SLFNL1: variants seen among roughly 807,000 people sequenced by gnomAD.
SLFNL1 encodes schlafen like 1, also known as schlafen-like protein 1.
A neutral mutation model predicts 32.5 loss-of-function variants in SLFNL1; 26 were observed. The observed-to-expected ratio is 0.80, with a 90% confidence interval of 0.59 to 1.11. SLFNL1 has a LOEUF of 1.11. Ranked by LOEUF, SLFNL1 falls within the 50% of genes least tolerant of loss-of-function variation. The pLI, the probability that SLFNL1 is intolerant of heterozygous loss-of-function variation, is 0.00. For missense variants in SLFNL1, 553 were observed against 546.5 expected (o/e 1.01, Z -0.12); for synonymous variants, 255 against 242.2 (o/e 1.05, Z -0.49).
In SLFNL1 at chr1:41,017,088, G is replaced by A. The variant is rs1571006286; in HGVS notation, c.1101+146C>T. ...CTACCCGCGGAGTATGGGATGTGGTGTGATTGTATTCCAACCCCTTGGGTT... is the reference window on the plus strand; with the variant it reads ...CTACCCGCGGAGTATGGGATGTGGTATGATTGTATTCCAACCCCTTGGGTT... On this transcript the variant is annotated intron_variant, in intron 5 of 5. Transcript: ENST00000302946. The surrounding 1 kb of genome is among the most constrained non-coding windows in gnomAD (Gnocchi z 4.9). 2 of 968,994 alleles carry A rather than the reference G, an allele frequency of 2.1e-6. No homozygotes were observed. Among genetic ancestry groups the A allele is most frequent in the East Asian group, 2.7e-5 (1 of 36,910 alleles). 60.0% of individuals were successfully genotyped at this position (968,994 alleles called of 1,614,324 possible). A position where few individuals can be genotyped will look rare whatever the true frequency, so the allele number is the denominator to read the frequency against.
Position 41,018,099 on chromosome 1 carries a change from CAG to C in SLFNL1, c.491_492del (p.Ser164TrpfsTer14). The C allele has an allele frequency of 1.3e-6, 2 of 1,547,894 alleles. No individual in the cohort carries two copies. Among genetic ancestry groups the C allele is most frequent in the Non-Finnish European group, 8.8e-7 (1 of 1,141,630 alleles). On this transcript the variant is annotated frameshift_variant, in exon 4 of 6. Transcript: ENST00000302946. LOFTEE classifies it high-confidence loss of function. Reference sequence around the variant, plus strand: ...GTAGGCCAGGTGGGCAGCGGGACACCAGAGCCTGGACTGGGGCCAGGGCTCAG... The same window carrying C: ...GTAGGCCAGGTGGGCAGCGGGACACCAGCCTGGACTGGGGCCAGGGCTCAG... ...SGLSPGPSPG[S>X]GVPLPTWPTH...
rs778288133 is a variant in SLFNL1 at position 41,020,370 on chromosome 1, C to G, written c.291G>C (p.Gln97His). The change falls in exon 3 of 6, where the codon CAG (glutamine) becomes CAC (histidine). Residue 97 changes from glutamine to histidine, a missense_variant. Transcript: ENST00000302946. ...CCAGGGTGTCCCTGTGGACAGTCAC[C>G]TGCACCAGTGCATAGGCCTTCCGCG... ...RRPRKAYALV[Q>H]VTVHRDTLAS... 2 of 1,613,418 alleles carry G rather than the reference C, an allele frequency of 1.2e-6. No homozygotes were observed. Among genetic ancestry groups the G allele is most frequent in the East Asian group, 4.5e-5 (2 of 44,870 alleles).
chr1:41,017,180 A>AGGGGTCT lies in SLFNL1; in HGVS notation c.1101+47_1101+53dup. ...CCTGGGCTGCTCAGTGGGTGGCTGAAGGGGTCTGGGGTCAGCTCCGCTCCA... is the reference window on the plus strand; with the variant it reads ...CCTGGGCTGCTCAGTGGGTGGCTGAAGGGGTCTGGGGTCTGGGGTCAGCTCCGCTCCA... On this transcript the variant is annotated intron_variant, in intron 5 of 5. Transcript: ENST00000302946. This position sits in a 1 kb window ranked among gnomAD's most constrained non-coding sequence, Gnocchi z 4.9. 6.7e-7 allele frequency: 1 copy of AGGGGTCT among 1,503,024 alleles called. No individual in the cohort carries two copies. The allele number at this position is 1,503,024 out of a possible 1,614,324, so 93.1% of individuals were successfully genotyped here.
At position 41,016,110 on chromosome 1, in the gene SLFNL1, A is replaced by G; in HGVS notation, c.1220T>C (p.Leu407Pro). ...CCTGCCTGCTCCCCAGGGCCCTCAC[A>G]GGACACAGCAGGTGCAGGACACAGG... is the stretch of plus-strand genomic sequence containing the variant. ...HGPVSCTCCV[L>P] The change falls in exon 6 of 6, where the codon CTG (leucine) becomes CCG (proline). Residue 407 changes from leucine to proline, a missense_variant. Physicochemically the swap from Leu to Pro is moderately conservative, Grantham distance 98. Transcript: ENST00000302946. 1 of 1,612,976 alleles carries G rather than the reference A, an allele frequency of 6.2e-7. No homozygotes were observed.
Position 41,015,737 on chromosome 1 carries a change from T to C in SLFNL1, c.*369A>G, listed in dbSNP as rs1643281029. 1 of 168,908 alleles carries C rather than the reference T, an allele frequency of 5.9e-6. No homozygotes were observed. The highest frequency in any genetic ancestry group is 1.7e-4 in the East Asian group (1 of 6,026). 10.5% of individuals were successfully genotyped at this position (168,908 alleles called of 1,614,324 possible). A position where few individuals can be genotyped will look rare whatever the true frequency, so the allele number is the denominator to read the frequency against. ...CCATCTTTGAGGGGCTTTCCTGAGA[T>C]GACAGATTCCTTTCTGGCACTGTGT... is the stretch of plus-strand genomic sequence containing the variant. On this transcript the variant is annotated 3_prime_UTR_variant, in exon 6 of 6. Transcript: ENST00000302946.
chr1:41,016,501 T>G, intron 5 of SLFNL1: 2 of 431,524 alleles, frequency 4.6e-6, no homozygotes, highest in Non-Finnish European at 8.4e-6. Context: ...CATTCTCTGT[T>G]TCCCTCTTGA....
At chr1:41,016,998 G>A (rs1643388379) in intron 5 of SLFNL1, 2 of 451,866 alleles carry the variant, frequency 4.4e-6, no homozygotes, top group Non-Finnish European at 7.7e-6. Flanking sequence ...GTGAGCCACT[G>A]CGCCTGGCCA....
At chr1:41,016,675 G>C (rs1206261305) in intron 5 of SLFNL1, 1 of 162,012 alleles carries the variant, frequency 6.2e-6, no homozygotes, top group African/African-American at 2.4e-5. Context: ...TAGAGGGTGA[G>C]GGGTTTCAGG....
intron 3 of SLFNL1, among the ~76,000 whole-genome samples, chr1:41,018,867 G>A (rs796086533): frequency 5.5e-5 from 6 of 109,864 alleles, no homozygotes; most frequent in African/African-American, 1.4e-4. Flanking sequence ...ACAGAGTCTC[G>A]CCCTGTCACC....
At position 41,020,617 on chromosome 1, in the gene SLFNL1, G is replaced by C. The variant is rs148260553; in HGVS notation, c.44C>G (p.Pro15Arg). 3 of 1,613,208 alleles carry C rather than the reference G, an allele frequency of 1.9e-6. No homozygotes were observed. In the African/African-American group the frequency reaches 4.0e-5, roughly 22 times the overall value. Reference sequence around the variant, plus strand: ...CTCCTCACCCCAGGACTCCATGAAGGGCTCTGACACCTGTGTTTGCACTGA... The same window carrying C: ...CTCCTCACCCCAGGACTCCATGAAGCGCTCTGACACCTGTGTTTGCACTGA... ...KRSVQTQVSE[P>R]FMESWGEESL... The change falls in exon 3 of 6, where the codon CCC becomes CGC. Residue 15 changes from proline to arginine, a missense_variant. Pro to Arg is a moderately radical substitution (Grantham distance 103, BLOSUM62 -2). Transcript: ENST00000302946.
intron 5 of SLFNL1, 195 bp from the exon 6 acceptor site, chr1:41,016,423 G>A: frequency 1.3e-6 from 1 of 760,684 alleles, no homozygotes. Flanking sequence ...CCGGCTGCCA[G>A]CCATGGAAGG....
In SLFNL1 at chr1:41,020,391, C is replaced by T. The variant is rs375718908; in HGVS notation, c.270G>A (p.Arg90=). ...REHIEVVRRP[R]KAYALVQVTV... ...TCACCTGCACCAGTGCATAGGCCTT[C>T]CGCGGCCGCCTCACCACTTCAATGT... Residue 90 remains arginine (R), a synonymous_variant, in exon 3 of 6, where the codon CGG becomes CGA. Coordinates refer to ENST00000302946, the MANE Select transcript of SLFNL1 (RefSeq NM_144990.4). 5 of 1,613,048 alleles carry T rather than the reference C, an allele frequency of 3.1e-6. No homozygotes were observed. Among genetic ancestry groups the T allele is most frequent in the Non-Finnish European group, 4.2e-6 (5 of 1,180,044 alleles).
rs757413470 is a variant in SLFNL1 at position 41,017,974 on chromosome 1, G to C, written c.618C>G (p.Ile206Met). The change falls in exon 4 of 6, where the codon ATC (isoleucine) becomes ATG (methionine). Residue 206 changes from isoleucine to methionine, a missense_variant. Transcript: ENST00000302946. This position sits in a 1 kb window ranked among gnomAD's most constrained non-coding sequence, Gnocchi z 4.9. ...CSDSAIVHQQ[I>M]VGKDQLFQGA... ...CCTGGAAGAGCTGGTCCTTGCCCACGATCTGCTGGTGCACAATGGCACTGT... is the reference window on the plus strand; with the variant it reads ...CCTGGAAGAGCTGGTCCTTGCCCACCATCTGCTGGTGCACAATGGCACTGT... 23 of 1,610,556 alleles carry C rather than the reference G, an allele frequency of 1.4e-5. No individual in the cohort carries two copies. The Admixed American group carries it at 3.5e-4, about 25-fold the overall frequency.
rs1643404152 is a variant in SLFNL1 at position 41,017,170 on chromosome 1, G to A, written c.1101+64C>T. On this transcript the variant is annotated intron_variant, in intron 5 of 5. Coordinates refer to ENST00000302946, the MANE Select transcript of SLFNL1 (RefSeq NM_144990.4). This position sits in a 1 kb window ranked among gnomAD's most constrained non-coding sequence, Gnocchi z 4.9. ...GGTGGCTTGCCCTGGGCTGCTCAGT[G>A]GGTGGCTGAAGGGGTCTGGGGTCAG... The A allele has an allele frequency of 6.7e-7, 1 of 1,495,134 alleles. No individual in the cohort carries two copies. Among genetic ancestry groups the A allele is most frequent in the Non-Finnish European group, 8.9e-7 (1 of 1,124,540 alleles). The allele number at this position is 1,495,134 out of a possible 1,614,324, so 92.6% of individuals were successfully genotyped here.
chr1:41,020,289 C>T lies in SLFNL1; in HGVS notation c.372G>A (p.Glu124=), dbSNP rs1405664499. 6.2e-7 allele frequency: 1 copy of T among 1,613,142 alleles called. No homozygotes were observed. Among genetic ancestry groups the T allele is most frequent in the East Asian group, 2.2e-5 (1 of 44,876 alleles). ...TALEEHLILK[E]LAARGKDLLL... ...GCAGGTCCTTCCCACGGGCTGCCAG[C>T]TCCTTGAGGATTAGGTGCTCCTCCA... The change falls in exon 3 of 6, where the codon GAG becomes GAA. Residue 124 remains glutamate, a synonymous_variant. Transcript: ENST00000302946.
rs1643770634 is a variant in SLFNL1, at chr1:41,020,720, G to C, written c.-60C>G. On this transcript the variant is annotated 5_prime_UTR_variant, in exon 3 of 6. Transcript: ENST00000302946. Reference sequence around the variant, plus strand: ...CCTCACTGCTGGCTGCTTCTCCCAGGGTCTGTGTTCTCAGTGTGGCTTAAG... The same window carrying C: ...CCTCACTGCTGGCTGCTTCTCCCAGCGTCTGTGTTCTCAGTGTGGCTTAAG... 2 of 1,523,918 alleles carry C rather than the reference G, an allele frequency of 1.3e-6. No homozygotes were observed. The highest frequency in any genetic ancestry group is 1.8e-6 in the Non-Finnish European group (2 of 1,120,302). 94.4% of individuals were successfully genotyped at this position (1,523,918 alleles called of 1,614,324 possible). A position where few individuals can be genotyped will look rare whatever the true frequency, so the allele number is the denominator to read the frequency against.
At position 41,020,441 on chromosome 1, in the gene SLFNL1, G is replaced by T; in HGVS notation, c.220C>A (p.Leu74Met). 1.2e-6 allele frequency: 2 copies of T among 1,613,258 alleles called. No homozygotes were observed. The highest frequency in any genetic ancestry group is 2.2e-5 in the East Asian group (1 of 44,866). Residue 74 changes from leucine to methionine, a missense_variant, in exon 3 of 6, where the codon CTG (leucine) becomes ATG (methionine). Physicochemically the swap from Leu to Met is conservative, Grantham distance 15. Coordinates refer to ENST00000302946, the MANE Select transcript of SLFNL1 (RefSeq NM_144990.4). ...TGCTCCCGCGCCACCGGCATCTCCA[G>T]CCGCTCCAGGGTGTCTCGCAGCAGG... ...ACLLRDTLER[L>M]EMPVAREHIE...
rs1022960701 is a variant in SLFNL1 at position 41,018,112 on chromosome 1, G to C, written c.480C>G (p.Pro160=). Reference sequence around the variant, plus strand: ...GCAGCGGGACACCAGAGCCTGGACTGGGGCCAGGGCTCAGGCCACTGTCCT... The same window carrying C: ...GCAGCGGGACACCAGAGCCTGGACTCGGGCCAGGGCTCAGGCCACTGTCCT... ...EEEDSGLSPG[P]SPGSGVPLPT... is the part of the protein sequence containing the mutation. The change falls in exon 4 of 6, where the codon CCC becomes CCG. Residue 160 remains proline, a synonymous_variant. Transcript: ENST00000302946. The C allele has an allele frequency of 6.5e-7, 1 of 1,538,284 alleles. No individual in the cohort carries two copies. Among genetic ancestry groups the C allele is most frequent in the Non-Finnish European group, 8.8e-7 (1 of 1,136,238 alleles).
intron 5 of SLFNL1, chr1:41,016,619 GTC>G (rs1182885044): frequency 5.6e-6 from 1 of 179,892 alleles, no homozygotes; most frequent in African/African-American, 2.4e-5. Flanking sequence ...CAACATTCCA[GTC>G]TCTCTGCTCC....
Sources: gnomAD v4.1 joint callset for allele counts (sites outside exome capture counted in the v4.1 genomes callset) on GRCh38, gnomAD v4.1.1 for gene constraint, Gnocchi (gnomAD v3.1) non-coding constraint, MANE v1.5 for transcripts, NCBI Gene and HGNC (gene_info 2026-07-23, HGNC 2026-07-21) for gene names.